TRIM36: variants seen among roughly 807,000 people sequenced by gnomAD.
The protein encoded by TRIM36 is tripartite motif containing 36, also known as E3 ubiquitin-protein ligase TRIM36.
A neutral mutation model predicts 72.4 loss-of-function variants in TRIM36; 42 were observed. That is an observed-to-expected ratio of 0.58 (90% CI 0.45 to 0.75). The LOEUF is 0.75. Ranked by LOEUF, TRIM36 falls within the 30% of genes least tolerant of loss-of-function variation. The probability of loss-of-function intolerance (pLI) is 0.00; values close to 1 mark genes in which losing one functional copy is unlikely to be tolerated. For missense variants in TRIM36, 913 were observed against 857.1 expected (o/e 1.07, Z -0.81); for synonymous variants, 315 against 282.8 (o/e 1.11, Z -1.14).
At chr5:115,156,148 T>G (rs1185466052) in intron 2 of TRIM36, among the ~76,000 whole-genome samples, 1 of 151,940 alleles carries the variant, frequency 6.6e-6, no homozygotes, top group Non-Finnish European at 1.5e-5. Flanking sequence ...AAAACACTGC[T>G]GAAAGAAATC....
chr5:115,147,297 C>T lies in TRIM36; in HGVS notation c.360G>A (p.Leu120=). The change falls in exon 3 of 10, where the codon CTG becomes CTA. Residue 120 remains leucine (L), a synonymous_variant. Coordinates refer to ENST00000513154, the MANE Select transcript of TRIM36 (RefSeq NM_001300759.2). The part of the protein sequence containing the change: ...VDLGERGING[L]FRNFTLETIV... Reference sequence around the variant, plus strand: ...TAGTTTCCAAAGTGAAGTTTCGAAACAGACCATTGATTCCTCGTTCTCCAA... The same window carrying T: ...TAGTTTCCAAAGTGAAGTTTCGAAATAGACCATTGATTCCTCGTTCTCCAA... The T allele has an allele frequency of 1.9e-6, 3 of 1,614,168 alleles. No homozygotes were observed. Among genetic ancestry groups the T allele is most frequent in the Non-Finnish European group, 2.5e-6 (3 of 1,180,022 alleles).
upstream of TRIM36, among the ~76,000 whole-genome samples, chr5:115,170,524 G>A (rs899285258): frequency 6.6e-6 from 1 of 152,156 alleles, no homozygotes; most frequent in Non-Finnish European, 1.5e-5. Context: ...GCCAGGCGCG[G>A]CCTGGGGTTC....
chr5:115,133,309 GA>G (rs759630797), intron 8 of TRIM36, among the ~76,000 whole-genome samples: 63 of 152,258 alleles, frequency 4.1e-4, no homozygotes, highest in Non-Finnish European at 7.4e-4. Context: ...TTTAACTTGG[GA>G]AGGGAGGGGG....
chr5:115,178,879 C>A (rs541102275), intron 1 of TRIM36, among the ~76,000 whole-genome samples: 11 of 152,274 alleles, frequency 7.2e-5, no homozygotes, highest in South Asian at 4.1e-4. Flanking sequence ...GCTCCCCAGC[C>A]CTGGGGCCAT....
rs1266010403 is a variant in TRIM36 at position 115,126,122 on chromosome 5, T to G, written c.*381A>C. The G allele has an allele frequency of 5.6e-6, 1 of 178,022 alleles. No homozygotes were observed. Among genetic ancestry groups the G allele is most frequent in the Non-Finnish European group, 1.2e-5 (1 of 83,594 alleles). The allele number at this position is 178,022 out of a possible 1,614,324, so 11.0% of individuals were successfully genotyped here. A position where few individuals can be genotyped will look rare whatever the true frequency, so the allele number is the denominator to read the frequency against. On this transcript the variant is annotated 3_prime_UTR_variant, in exon 10 of 10. Transcript: ENST00000513154. The stretch of plus-strand genomic sequence containing the variant: ...AATATCTTCTCTTAGGACATAAACA[T>G]GATATAAAAATGAAAAGTCAAACAG...
intron 4 of TRIM36, among the ~76,000 whole-genome samples, chr5:115,143,222 CAAAAAA>C (rs59083853): frequency 3.5e-5 from 2 of 57,488 alleles, no homozygotes; most frequent in Non-Finnish European, 5.8e-5. Context: ...ACCAGCCAGA[CAAAAAA>C]AAAAAAAAAA....
chr5:115,178,642 G>T lies in TRIM36; in HGVS notation c.63+1333C>A, dbSNP rs1008412746. 2.6e-5 allele frequency among the ~76,000 whole-genome samples: 4 copies of T among 152,366 alleles called. 1 individual carries two copies. The highest frequency in any genetic ancestry group is 1.9e-4 in the East Asian group (1 of 5,180). On this transcript the variant is annotated intron_variant, in intron 1 of 9. Coordinates refer to the TRIM36 transcript ENST00000282369. ...CAGTGTGTGCTGAAGGCCCCTTGAG[G>T]TGCAGGATGGAGTCTGGGCTTGGAA...
chr5:115,171,206 C>T (rs762870841), upstream of TRIM36: 4 of 1,614,152 alleles, frequency 2.5e-6, no homozygotes, highest in African/African-American at 1.3e-5. Flanking sequence ...GCGGTAGCCT[C>T]GTCTCCAATC....
intron 2 of TRIM36, among the ~76,000 whole-genome samples, chr5:115,148,607 C>G (rs1299496902): frequency 6.6e-6 from 1 of 151,836 alleles, no homozygotes; most frequent in Admixed American, 6.6e-5. Context: ...GATGGGGTTT[C>G]ACCATCTTGG....
At chr5:115,179,630 G>A (rs146587676) in intron 1 of TRIM36, among the ~76,000 whole-genome samples, 79 of 152,358 alleles carry the variant, frequency 5.2e-4, no homozygotes, top group African/African-American at 1.8e-3. Flanking sequence ...GAGTAGCCCT[G>A]GTTGGTGGGG....
intron 6 of TRIM36, 58 bp from the exon 7 acceptor site, chr5:115,137,182 A>G (rs1356618388): frequency 1.3e-6 from 2 of 1,514,668 alleles, no homozygotes; most frequent in Non-Finnish European, 1.8e-6. Context: ...CAGACTAAAT[A>G]TCTGCAACAT....
At position 115,126,746 on chromosome 5, in the gene TRIM36, T is replaced by A. The variant is rs2112752172; in HGVS notation, c.1908A>T (p.Ser636=). The part of the protein sequence containing the change: ...IGMQKFFIPK[S]PTSSNEPENR... ...TTTCAGGTTCATTAGAAGAAGTAGG[T>A]GACTTGGGTATAAAAAATTTCTGCA... Residue 636 remains serine, a synonymous_variant, in exon 10 of 10, where the codon TCA becomes TCT. Coordinates refer to ENST00000513154, the MANE Select transcript of TRIM36 (RefSeq NM_001300759.2). 1 of 1,614,148 alleles carries A rather than the reference T, an allele frequency of 6.2e-7. No homozygotes were observed. Among genetic ancestry groups the A allele is most frequent in the Non-Finnish European group, 8.5e-7 (1 of 1,180,038 alleles).
intron 7 of TRIM36, among the ~76,000 whole-genome samples, chr5:115,134,360 G>A (rs1232180765): frequency 6.6e-6 from 1 of 151,820 alleles, no homozygotes; most frequent in Admixed American, 6.6e-5. Flanking sequence ...ACTGAAAGGA[G>A]AAAGAAGAGT....
chr5:115,137,733 A>G, intron 5 of TRIM36, 117 bp from the exon 6 acceptor site: 1 of 1,179,432 alleles, frequency 8.5e-7, no homozygotes, highest in South Asian at 2.1e-5. Context: ...ATGTGATGAC[A>G]GCATTATCAA....
chr5:115,139,271 C>T (rs752357661), intron 5 of TRIM36, among the ~76,000 whole-genome samples: 4 of 152,074 alleles, frequency 2.6e-5, no homozygotes, highest in Non-Finnish European at 5.9e-5. Flanking sequence ...CAGGTGTGCA[C>T]CACCAGGCCA....
intron 9 of TRIM36, among the ~76,000 whole-genome samples, chr5:115,127,514 T>G (rs956787710): frequency 6.6e-6 from 1 of 152,212 alleles, no homozygotes; most frequent in Non-Finnish European, 1.5e-5. Context: ...TGGACCGAGA[T>G]AGCACCACTG....
intron 2 of TRIM36, among the ~76,000 whole-genome samples, chr5:115,157,242 G>C (rs574226934): frequency 6.6e-6 from 1 of 151,914 alleles, no homozygotes; most frequent in South Asian, 2.1e-4. Flanking sequence ...AGCCACTACA[G>C]AAAAGAGTGT....
intron 1 of TRIM36, among the ~76,000 whole-genome samples, chr5:115,166,908 G>T (rs1580705323): frequency 6.6e-6 from 1 of 152,116 alleles, no homozygotes; most frequent in East Asian, 1.9e-4. Context: ...CTGGCACCTG[G>T]ACCTGCCTGC....
At chr5:115,171,434 TCAGGAGGAGACTAACAA>T, upstream of TRIM36, among the ~76,000 whole-genome samples, 1 of 152,204 alleles carries the variant, frequency 6.6e-6, no homozygotes, top group African/African-American at 2.4e-5. Flanking sequence ...AAAGTGCTAA[TCAGGAGGAGACTAACAA>T]ATGCCTGCGT....
Sources: allele counts gnomAD v4.1 joint callset (sites outside exome capture counted in the v4.1 genomes callset), GRCh38; gene constraint gnomAD v4.1.1; transcripts MANE v1.5; gene names NCBI Gene and HGNC (gene_info 2026-07-23, HGNC 2026-07-21).